Variants in FBXL7 observed in about 807,000 individuals in gnomAD.
FBXL7 encodes the protein F-box and leucine rich repeat protein 7, also known as F-box/LRR-repeat protein 7.
FBXL7 carries 12 observed loss-of-function variants against 38.3 expected under a neutral mutation model. The ratio of observed to expected loss-of-function variants is 0.31; its 90% confidence interval spans 0.20 to 0.51. The LOEUF (loss-of-function observed/expected upper bound fraction) is 0.51, where lower values mean the gene tolerates loss of function less well. FBXL7 is among the 20% of genes least tolerant of loss of function. FBXL7 has a pLI of 0.98. For synonymous variants in FBXL7, 297 were observed against 300.9 expected (o/e 0.99, Z 0.13); for missense variants, 567 against 676.4 (o/e 0.84, Z 1.79).
At chr5:15,641,043 T>A (rs1741352339) in intron 2 of FBXL7, among the ~76,000 whole-genome samples, 1 of 152,122 alleles carries the variant, frequency 6.6e-6, no homozygotes, top group African/African-American at 2.4e-5. Flanking sequence ...ATTTACTGAG[T>A]TTCTTGTGGC....
intron 2 of FBXL7, among the ~76,000 whole-genome samples, chr5:15,832,941 C>G (rs1738495810): frequency 6.6e-6 from 1 of 151,996 alleles, no homozygotes; most frequent in Non-Finnish European, 1.5e-5. Flanking sequence ...CTTTCCCATG[C>G]TATTCTCATG....
At chr5:15,756,747 T>G (rs1736308174) in intron 2 of FBXL7, among the ~76,000 whole-genome samples, 1 of 150,630 alleles carries the variant, frequency 6.6e-6, no homozygotes, top group Admixed American at 6.7e-5. Context: ...AAGATGTAAT[T>G]GAAATTGTTC....
At chr5:15,635,222 G>A (rs961836193) in intron 2 of FBXL7, among the ~76,000 whole-genome samples, 3 of 152,074 alleles carry the variant, frequency 2.0e-5, no homozygotes, top group Non-Finnish European at 4.4e-5. Flanking sequence ...TGGTCTAGAG[G>A]GCCACTGATG....
At chr5:15,642,380 A>G (rs1580428823) in intron 2 of FBXL7, among the ~76,000 whole-genome samples, 1 of 152,204 alleles carries the variant, frequency 6.6e-6, no homozygotes, top group Non-Finnish European at 1.5e-5. Flanking sequence ...GCAATTTCCA[A>G]GGGTCCCAGA....
At position 15,708,793 on chromosome 5, in the gene FBXL7, C is replaced by T. The variant is rs548009819; in HGVS notation, c.127+92721C>T. 3.9e-5 allele frequency among the ~76,000 whole-genome samples: 6 copies of T among 152,096 alleles called. No individual in the cohort carries two copies. The South Asian group carries it at 1.2e-3, about 32-fold the overall frequency. ...GGTGTTTTGTTTATTTGTTTTCAAA[C>T]CAGAAGAGCATGTTAAGTAAAGTTT... On this transcript the variant is annotated intron_variant, in intron 2 of 3. Coordinates refer to ENST00000504595, the MANE Select transcript of FBXL7 (RefSeq NM_012304.5).
chr5:15,611,590 G>A (rs1216184573), intron 1 of FBXL7, among the ~76,000 whole-genome samples: 2 of 151,702 alleles, frequency 1.3e-5, no homozygotes, highest in Non-Finnish European at 2.9e-5. Flanking sequence ...TGTGAGCAGA[G>A]GCTCTCAGGA....
intron 1 of FBXL7, among the ~76,000 whole-genome samples, chr5:15,515,180 C>T (rs186012185): frequency 7.1e-4 from 108 of 152,292 alleles, no homozygotes; most frequent in Non-Finnish European, 1.2e-3. Context: ...CTGGGAATCT[C>T]AGCCATTCTT....
At chr5:15,804,899 A>C (rs1297726900) in intron 2 of FBXL7, among the ~76,000 whole-genome samples, 1 of 152,198 alleles carries the variant, frequency 6.6e-6, no homozygotes, top group Non-Finnish European at 1.5e-5. Context: ...CCCTGGTGCC[A>C]AAAAGATTGG....
chr5:15,535,395 G>C (rs1737556855), intron 1 of FBXL7, among the ~76,000 whole-genome samples: 1 of 152,220 alleles, frequency 6.6e-6, no homozygotes, highest in Admixed American at 6.5e-5. Context: ...CTAGAGACTT[G>C]TTGAATGATT....
intron 2 of FBXL7, among the ~76,000 whole-genome samples, chr5:15,675,191 C>T (rs1742612161): frequency 2.6e-5 from 4 of 152,272 alleles, no homozygotes; most frequent in Admixed American, 6.5e-5. Context: ...TATGTTTTAT[C>T]GTACTCATAT....
intron 2 of FBXL7, among the ~76,000 whole-genome samples, chr5:15,751,504 T>G (rs12518052): frequency 0.054 from 8,235 of 152,288 alleles, 242 homozygotes; most frequent in East Asian, 0.1. Context: ...TGGCTATGTT[T>G]GTTTGAAATC....
At chr5:15,515,942 A>G (rs1736923426) in intron 1 of FBXL7, among the ~76,000 whole-genome samples, 1 of 152,186 alleles carries the variant, frequency 6.6e-6, no homozygotes, top group Non-Finnish European at 1.5e-5. Context: ...TAATTTAAAA[A>G]CAGATGATTA....
intron 2 of FBXL7, among the ~76,000 whole-genome samples, chr5:15,845,751 C>T (rs1738879104): frequency 6.6e-6 from 1 of 152,102 alleles, no homozygotes; most frequent in Non-Finnish European, 1.5e-5. Flanking sequence ...GTGGGTGGAT[C>T]ATGAGGTCAG....
intron 2 of FBXL7, among the ~76,000 whole-genome samples, chr5:15,661,471 T>C (rs2126584727): frequency 6.6e-6 from 1 of 152,320 alleles, no homozygotes; most frequent in South Asian, 2.1e-4. Context: ...CTTTCCTTGT[T>C]CCCAATTTCA....
intron 2 of FBXL7, among the ~76,000 whole-genome samples, chr5:15,804,529 A>G (rs1453627806): frequency 1.3e-5 from 2 of 152,214 alleles, no homozygotes; most frequent in Non-Finnish European, 2.9e-5. Context: ...TATATTATTT[A>G]TAGTTTTGAG....
intron 2 of FBXL7, among the ~76,000 whole-genome samples, chr5:15,654,225 C>T (rs963312710): frequency 6.6e-5 from 10 of 152,134 alleles, no homozygotes; most frequent in Admixed American, 4.6e-4. Context: ...CTGAATAGTT[C>T]TTCAAATCAG....
intron 1 of FBXL7, among the ~76,000 whole-genome samples, chr5:15,578,121 G>A (rs1349653084): frequency 6.6e-6 from 1 of 152,042 alleles, no homozygotes; most frequent in Non-Finnish European, 1.5e-5. Context: ...GATGTTAACT[G>A]GCCATCACCC....
chr5:15,574,323 A>T (rs1738889093), intron 1 of FBXL7, among the ~76,000 whole-genome samples: 1 of 152,220 alleles, frequency 6.6e-6, no homozygotes, highest in South Asian at 2.1e-4. Context: ...AATGCTTATT[A>T]AGCAATAATT....
intron 2 of FBXL7, among the ~76,000 whole-genome samples, chr5:15,730,166 A>ATT (rs373104478): frequency 2.0e-5 from 3 of 150,720 alleles, no homozygotes; most frequent in Non-Finnish European, 3.0e-5. Flanking sequence ...AATTTTACAG[A>ATT]TTTTTTTTTT....
Sources: gnomAD v4.1 joint callset for allele counts (sites outside exome capture counted in the v4.1 genomes callset) on GRCh38, gnomAD v4.1.1 for gene constraint, MANE v1.5 for transcripts, NCBI Gene and HGNC (gene_info 2026-07-23, HGNC 2026-07-21) for gene names.